Variants in CPVL observed in about 807,000 individuals in gnomAD.
CPVL encodes the protein probable serine carboxypeptidase CPVL.
CPVL carries 51 observed loss-of-function variants against 63.7 expected under a neutral mutation model. The observed-to-expected ratio is 0.80, with a 90% confidence interval of 0.64 to 1.01. The LOEUF (loss-of-function observed/expected upper bound fraction) is 1.01. Among genes scored for constraint, CPVL ranks in the 50% least tolerant of loss-of-function variants. The probability of loss-of-function intolerance (pLI) is 0.00; values close to 1 mark genes in which losing one functional copy is unlikely to be tolerated. For synonymous variants in CPVL, 195 were observed against 206.0 expected (o/e 0.95, Z 0.46); for missense variants, 530 against 573.1 (o/e 0.92, Z 0.77).
At chr7:29,085,149 T>A (rs1785082608) in intron 7 of CPVL, among the ~76,000 whole-genome samples, 1 of 152,192 alleles carries the variant, frequency 6.6e-6, no homozygotes, top group Non-Finnish European at 1.5e-5. Flanking sequence ...CACTTGCTTT[T>A]TAAATGCCAT....
intron 12 of CPVL, chr7:29,010,356 C>T (rs777622103): frequency 4.1e-5 from 6 of 147,518 alleles, no homozygotes; most frequent in Non-Finnish European, 6.0e-5. Context: ...TCAGTACAAA[C>T]AGGAGAAAAA....
chr7:29,157,864 T>C (rs557282165), intron 5 of CPVL, among the ~76,000 whole-genome samples: 89 of 152,340 alleles, frequency 5.8e-4, no homozygotes, highest in African/African-American at 2.1e-3. Context: ...ATGTAGATTA[T>C]TAGAAATGTC....
At chr7:29,070,123 G>A (rs749782053) in intron 9 of CPVL, among the ~76,000 whole-genome samples, 23 of 152,052 alleles carry the variant, frequency 1.5e-4, no homozygotes, top group Non-Finnish European at 2.5e-4. Flanking sequence ...CTCAAGATAC[G>A]GGACCAATGG....
chr7:29,095,170 T>TA (rs1786277554), intron 4 of CPVL, 28 bp from the exon 5 acceptor site: 2 of 1,592,504 alleles, frequency 1.3e-6, no homozygotes, highest in Admixed American at 1.7e-5. Flanking sequence ...AGGGGTGAGA[T>TA]AGAGTCGTGG....
At chr7:29,120,420 TCAAA>T (rs66524129) in intron 2 of CPVL, among the ~76,000 whole-genome samples, 43,911 of 150,576 alleles carry the variant, frequency 0.29, 6,400 homozygotes, top group Middle Eastern at 0.34. Context: ...AGACTCTGTC[TCAAA>T]CAAACAAACA....
At chr7:29,185,189 A>G (rs1235044548) in intron 3 of CPVL, among the ~76,000 whole-genome samples, 1 of 152,166 alleles carries the variant, frequency 6.6e-6, no homozygotes, top group South Asian at 2.1e-4. Flanking sequence ...AATCTTCTTT[A>G]TGATTGAGAA....
chr7:29,124,612 T>G (rs1420859638), intron 1 of CPVL, among the ~76,000 whole-genome samples: 1 of 151,990 alleles, frequency 6.6e-6, no homozygotes, highest in Non-Finnish European at 1.5e-5. Context: ...TAAATAAAAT[T>G]TCCAACAGTA....
At chr7:29,009,936 C>T (rs1416802278) in intron 12 of CPVL, 1 of 152,176 alleles carries the variant, frequency 6.6e-6, no homozygotes, top group African/African-American at 2.4e-5. Flanking sequence ...AGAAAAACCA[C>T]CTGCTGATGC....
In CPVL at chr7:29,093,621, C is replaced by T. The variant is rs549446789; in HGVS notation, c.463-919G>A. Among the ~76,000 whole-genome samples the T allele has an allele frequency of 2.6e-3, 401 of 152,212 alleles. 2 individuals carry two copies. Among genetic ancestry groups the T allele is most frequent in the African/African-American group, 9.2e-3 (383 of 41,518 alleles). On this transcript the variant is annotated intron_variant, in intron 5 of 12. Transcript: ENST00000265394. ...TTCACAGACAACTGAACTGCAAATT[C>T]AAAAGAAACTGAACTGCAAATTCAA...
At chr7:29,087,834 A>T (rs1785369916) in intron 6 of CPVL, among the ~76,000 whole-genome samples, 1 of 152,248 alleles carries the variant, frequency 6.6e-6, no homozygotes, top group Non-Finnish European at 1.5e-5. Flanking sequence ...AAAATTCACC[A>T]TGAAACACTA....
chr7:29,041,209 G>C (rs1713899918), intron 11 of CPVL, among the ~76,000 whole-genome samples: 2 of 144,650 alleles, frequency 1.4e-5, no homozygotes, highest in South Asian at 4.4e-4. Flanking sequence ...TCGGCTCACT[G>C]CGACTTCTGC....
intron 4 of CPVL, among the ~76,000 whole-genome samples, chr7:29,184,199 A>AG (rs397934898): frequency 6.7e-6 from 1 of 149,120 alleles, no homozygotes; most frequent in East Asian, 1.9e-4. Context: ...ATAGATAGAT[A>AG]AAAGAGATAT....
intron 1 of CPVL, among the ~76,000 whole-genome samples, chr7:29,124,354 T>C (rs192519278): frequency 4.2e-4 from 64 of 152,286 alleles, no homozygotes; most frequent in Non-Finnish European, 7.5e-4. Context: ...AGTTCAAACA[T>C]ATCATATTGA....
intron 5 of CPVL, 65 bp from the exon 6 acceptor site, chr7:29,092,767 A>G (rs544352092): frequency 8.8e-7 from 1 of 1,141,450 alleles, no homozygotes; most frequent in African/African-American, 1.5e-5. Context: ...ACCTGCAGAG[A>G]GGTCCCACAC....
At position 29,050,638 on chromosome 7, in the gene CPVL, G is replaced by A. The variant is rs568240595; in HGVS notation, c.1137+13423C>T. Among the ~76,000 whole-genome samples, 3 of 152,072 alleles carry A rather than the reference G, an allele frequency of 2.0e-5. 1 individual carries two copies. The highest frequency in any genetic ancestry group is 7.2e-5 in the African/African-American group (3 of 41,408). ...CACATCCCATACTTATGGATGGGTAGAATCAACATTGTGAAAATGACCATA... is the reference window on the plus strand; with the variant it reads ...CACATCCCATACTTATGGATGGGTAAAATCAACATTGTGAAAATGACCATA... On this transcript the variant is annotated intron_variant, in intron 11 of 12. Coordinates refer to ENST00000265394, the MANE Select transcript of CPVL (RefSeq NM_031311.5).
chr7:29,112,312 C>T (rs1256737463), intron 3 of CPVL, among the ~76,000 whole-genome samples: 4 of 152,160 alleles, frequency 2.6e-5, no homozygotes, highest in African/African-American at 9.7e-5. Flanking sequence ...CTTAGCCACG[C>T]ATTACCTGTT....
At chr7:29,168,965 G>A (rs1345593665) in intron 5 of CPVL, among the ~76,000 whole-genome samples, 2 of 152,116 alleles carry the variant, frequency 1.3e-5, no homozygotes, top group Admixed American at 6.6e-5. Flanking sequence ...AAAAGTAAAT[G>A]TATAATAAAT....
At chr7:29,138,001 T>C (rs1039101930) in intron 1 of CPVL, among the ~76,000 whole-genome samples, 3 of 152,148 alleles carry the variant, frequency 2.0e-5, no homozygotes, top group Non-Finnish European at 4.4e-5. Context: ...TGAACATCAA[T>C]GTAAGGATGG....
chr7:29,107,265 G>C (rs1312828806), intron 3 of CPVL, among the ~76,000 whole-genome samples: 1 of 152,234 alleles, frequency 6.6e-6, no homozygotes, highest in Non-Finnish European at 1.5e-5. Flanking sequence ...GACTGCCCAA[G>C]GGCACATACA....
Sources: allele counts gnomAD v4.1 joint callset (sites outside exome capture counted in the v4.1 genomes callset), GRCh38; gene constraint gnomAD v4.1.1; transcripts MANE v1.5; gene names NCBI Gene and HGNC (gene_info 2026-07-23, HGNC 2026-07-21).